The following THSD7B variants were observed in gnomAD, a reference collection of about 807,000 sequenced individuals.
THSD7B encodes the protein thrombospondin type 1 domain containing 7B.
In THSD7B, 138 loss-of-function variants were observed where a neutral mutation model predicts 213.6. That is an observed-to-expected ratio of 0.65 (90% CI 0.56 to 0.74). THSD7B has a LOEUF of 0.74. THSD7B is among the 30% of genes least tolerant of loss of function. The pLI is 0.00. For missense variants in THSD7B, 1,931 were observed against 1,991.5 expected, an observed-to-expected ratio of 0.97 and a Z score of 0.58; for synonymous variants, 742 against 687.0, an observed-to-expected ratio of 1.08 and a Z score of -1.25.
chr2:137,003,934 T>C (rs1686051148), intron 2 of THSD7B, among the ~76,000 whole-genome samples: 1 of 152,180 alleles, frequency 6.6e-6, no homozygotes, highest in South Asian at 2.1e-4. Flanking sequence ...TATGTTACTT[T>C]TTGGTGCTAA....
chr2:137,276,248 A>G (rs1175650345), intron 12 of THSD7B, among the ~76,000 whole-genome samples: 2 of 152,080 alleles, frequency 1.3e-5, no homozygotes, highest in Non-Finnish European at 2.9e-5. Flanking sequence ...CTAAAGCAAT[A>G]TAAGCAAATA....
chr2:136,874,908 T>C (rs887319102), intron 1 of THSD7B, among the ~76,000 whole-genome samples: 1 of 152,184 alleles, frequency 6.6e-6, no homozygotes, highest in African/African-American at 2.4e-5. Flanking sequence ...ATCATAGTCA[T>C]AGCATTTTTT....
chr2:137,157,541 C>T (rs1679932580), intron 5 of THSD7B, among the ~76,000 whole-genome samples: 1 of 152,152 alleles, frequency 6.6e-6, no homozygotes, highest in South Asian at 2.1e-4. Context: ...AGAGGGAAAA[C>T]TGTATCAGTC....
chr2:137,182,948 T>C lies in THSD7B; in HGVS notation c.1723+12010T>C, dbSNP rs1051054878. Among the ~76,000 whole-genome samples, 40 of 152,126 alleles carry C rather than the reference T, an allele frequency of 2.6e-4. 1 individual carries two copies. The highest frequency in any genetic ancestry group is 8.8e-5 in the Non-Finnish European group (6 of 68,010). The stretch of plus-strand genomic sequence containing the variant: ...CATCTATGTCAAGTTCTTAAAACAG[T>C]TCCTGGCATGTGAATACTGCTGCAG... On this transcript the variant is annotated intron_variant, in intron 7 of 27. Coordinates refer to ENST00000409968, the MANE Select transcript of THSD7B (RefSeq NM_001316349.2).
At chr2:137,625,728 C>A (rs952215798) in intron 20 of THSD7B, among the ~76,000 whole-genome samples, 24 of 152,146 alleles carry the variant, frequency 1.6e-4, no homozygotes, top group African/African-American at 5.8e-4. Flanking sequence ...TTCAGGTGGG[C>A]ATTGCACACT....
chr2:137,051,827 G>A (rs1382920537), intron 2 of THSD7B, among the ~76,000 whole-genome samples: 1 of 152,068 alleles, frequency 6.6e-6, no homozygotes, highest in African/African-American at 2.4e-5. Flanking sequence ...TATTTTCTTT[G>A]TCCTCTGGAG....
chr2:137,395,743 A>G (rs1291377636), intron 12 of THSD7B, among the ~76,000 whole-genome samples: 1 of 152,036 alleles, frequency 6.6e-6, no homozygotes, highest in Non-Finnish European at 1.5e-5. Flanking sequence ...GAATGGTACC[A>G]GTTCCTCCTT....
intron 20 of THSD7B, among the ~76,000 whole-genome samples, chr2:137,621,195 A>C (rs1422532248): frequency 6.6e-6 from 1 of 152,182 alleles, no homozygotes; most frequent in Non-Finnish European, 1.5e-5. Flanking sequence ...TGCCACTTTA[A>C]CAGGACCAAG....
chr2:137,260,157 G>A (rs113630100), intron 10 of THSD7B, among the ~76,000 whole-genome samples: 293 of 152,132 alleles, frequency 1.9e-3, no homozygotes, highest in African/African-American at 6.7e-3. Context: ...AAAGGAGAAG[G>A]AACTTATAGG....
intron 14 of THSD7B, among the ~76,000 whole-genome samples, chr2:137,448,860 C>T (rs1052676099): frequency 6.6e-6 from 1 of 151,892 alleles, no homozygotes; most frequent in African/African-American, 2.4e-5. Flanking sequence ...TCCTGGGTCC[C>T]ATCCTCTGAG....
At chr2:137,546,373 TATAATA>T (rs2105198579) in intron 15 of THSD7B, among the ~76,000 whole-genome samples, 1 of 55,012 alleles carries the variant, frequency 1.8e-5, no homozygotes, top group East Asian at 4.9e-4. Flanking sequence ...TATATATATA[TATAATA>T]TATATATTAT....
intron 12 of THSD7B, among the ~76,000 whole-genome samples, chr2:137,309,052 T>A (rs73958843): frequency 0.075 from 11,403 of 152,148 alleles, 625 homozygotes; most frequent in African/African-American, 0.13. Context: ...ATCTATAAAG[T>A]TTTTCGTAAA....
At chr2:137,584,088 C>T (rs1046442604) in intron 17 of THSD7B, among the ~76,000 whole-genome samples, 2 of 152,080 alleles carry the variant, frequency 1.3e-5, no homozygotes, top group Non-Finnish European at 2.9e-5. Flanking sequence ...GTATTTCATT[C>T]TCTTTGAAGC....
At chr2:136,868,755 C>G (rs530026038) in intron 1 of THSD7B, among the ~76,000 whole-genome samples, 2 of 152,086 alleles carry the variant, frequency 1.3e-5, no homozygotes, top group Non-Finnish European at 2.9e-5. Context: ...CATAAAATCT[C>G]TCTTTCTCGA....
chr2:137,614,543 G>A (rs566977255), intron 17 of THSD7B, among the ~76,000 whole-genome samples: 2 of 152,098 alleles, frequency 1.3e-5, no homozygotes, highest in Admixed American at 1.3e-4. Flanking sequence ...TTATTTTATT[G>A]ACAAATCATT....
chr2:137,438,791 T>G (rs1399966634), intron 14 of THSD7B, among the ~76,000 whole-genome samples: 1 of 152,124 alleles, frequency 6.6e-6, no homozygotes, highest in East Asian at 1.9e-4. Context: ...CCACAAAAGA[T>G]ATGTTGAAGT....
chr2:137,014,875 C>T lies in THSD7B; in HGVS notation c.140-41545C>T, dbSNP rs16837867. Among the ~76,000 whole-genome samples the T allele has an allele frequency of 0.014, 2,168 of 152,118 alleles. 114 individuals are homozygous for T. In the East Asian group the frequency reaches 0.19, roughly 13 times the overall value. On this transcript the variant is annotated intron_variant, in intron 2 of 27. Transcript: ENST00000409968. ...TCAGCCAGCTGTCTCTTCTAGTCTC[C>T]GGAGCTCTGAGCACACTGCTCACCC...
At chr2:137,135,630 C>T (rs904035286) in intron 5 of THSD7B, among the ~76,000 whole-genome samples, 1 of 152,084 alleles carries the variant, frequency 6.6e-6, no homozygotes, top group Admixed American at 6.6e-5. Context: ...CTATGTCTGT[C>T]ACAAAATCTT....
At chr2:137,656,510 T>C (rs1421385842) in intron 22 of THSD7B, among the ~76,000 whole-genome samples, 3 of 152,196 alleles carry the variant, frequency 2.0e-5, no homozygotes, top group African/African-American at 4.8e-5. Flanking sequence ...TTTAAAAGTT[T>C]TATTAACACT....
Sources: gnomAD v4.1 joint callset for allele counts (sites outside exome capture counted in the v4.1 genomes callset) on GRCh38, gnomAD v4.1.1 for gene constraint, MANE v1.5 for transcripts, NCBI Gene and HGNC (gene_info 2026-07-23, HGNC 2026-07-21) for gene names.